Variants in SNRPD1 observed in about 807,000 individuals in gnomAD.
SNRPD1 encodes the protein small nuclear ribonucleoprotein Sm D1.
SNRPD1 carries 1 observed loss-of-function variant against 14.4 expected under a neutral mutation model. That is an observed-to-expected ratio of 0.07 (90% CI 0.02 to 0.33). The LOEUF (loss-of-function observed/expected upper bound fraction) is 0.33. SNRPD1 is among the 10% of genes least tolerant of loss of function. SNRPD1 has a pLI of 1.00. For missense variants in SNRPD1, 52 were observed against 146.4 expected (o/e 0.36, Z 3.33); for synonymous variants, 42 against 50.3 (o/e 0.83, Z 0.70).
In SNRPD1 at chr18:21,631,809, G is replaced by C. The variant is rs1440846112; in HGVS notation, c.*2671G>C. The C allele has an allele frequency of 1.3e-5, 2 of 152,008 alleles. No homozygotes were observed. Among genetic ancestry groups the C allele is most frequent in the Admixed American group, 6.6e-5 (1 of 15,236 alleles). 9.4% of individuals were successfully genotyped at this position (152,008 alleles called of 1,614,324 possible). A position where few individuals can be genotyped will look rare whatever the true frequency, so the allele number is the denominator to read the frequency against. On this transcript the variant is annotated 3_prime_UTR_variant, in exon 4 of 4. Coordinates refer to ENST00000300413, the MANE Select transcript of SNRPD1 (RefSeq NM_006938.4). ...CTTTTCCATCTTCTGACCTGTTGGT[G>C]CTCCTATTGCTTGTATCCAAGTAGA...
chr18:21,622,209 G>A (rs1021001413), intron 1 of SNRPD1, among the ~76,000 whole-genome samples: 3 of 151,226 alleles, frequency 2.0e-5, no homozygotes, highest in South Asian at 2.1e-4. Context: ...GCGTGATCTC[G>A]GCTCACTGAG....
Position 21,629,200 on chromosome 18 carries a change from T to C in SNRPD1, c.*62T>C. ...ATATTTTTTGTACAGGTTGTGTTTGTTTATGTCAGTTTTTAATAAACATAA... is the reference window on the plus strand; with the variant it reads ...ATATTTTTTGTACAGGTTGTGTTTGCTTATGTCAGTTTTTAATAAACATAA... On this transcript the variant is annotated 3_prime_UTR_variant, in exon 4 of 4. Coordinates refer to ENST00000300413, the MANE Select transcript of SNRPD1 (RefSeq NM_006938.4). 8.2e-7 allele frequency: 1 copy of C among 1,219,298 alleles called. No individual in the cohort carries two copies. The highest frequency in any genetic ancestry group is 1.2e-6 in the Non-Finnish European group (1 of 822,046). 75.5% of individuals were successfully genotyped at this position (1,219,298 alleles called of 1,614,324 possible). A position where few individuals can be genotyped will look rare whatever the true frequency, so the allele number is the denominator to read the frequency against.
intron 1 of SNRPD1, among the ~76,000 whole-genome samples, chr18:21,619,368 G>C (rs961355135): frequency 1.8e-4 from 27 of 152,140 alleles, no homozygotes; most frequent in Admixed American, 1.7e-3. Context: ...TTTTAGCAGA[G>C]ACGGGGTTTC....
Position 21,629,938 on chromosome 18 carries a change from C to G in SNRPD1, c.*800C>G, listed in dbSNP as rs1334919142. The G allele has an allele frequency of 4.6e-5, 7 of 152,152 alleles. No individual in the cohort carries two copies. Among genetic ancestry groups the G allele is most frequent in the Non-Finnish European group, 8.8e-5 (6 of 68,020 alleles). The allele number at this position is 152,152 out of a possible 1,614,324, so 9.4% of individuals were successfully genotyped here. On this transcript the variant is annotated 3_prime_UTR_variant, in exon 4 of 4. Coordinates refer to ENST00000300413, the MANE Select transcript of SNRPD1 (RefSeq NM_006938.4). ...TATGGGATGGGGTCTAGAATTGATT[C>G]TCCTTTCCTGAGTTTTACTCCACGG...
intron 3 of SNRPD1, among the ~76,000 whole-genome samples, chr18:21,627,488 G>C (rs1204038124): frequency 7.4e-6 from 1 of 134,612 alleles, no homozygotes; most frequent in East Asian, 2.2e-4. Context: ...TGCCCAGGCT[G>C]GAGTGCCATG....
intron 3 of SNRPD1, among the ~76,000 whole-genome samples, chr18:21,627,995 C>T (rs76606976): frequency 5.9e-5 from 9 of 152,242 alleles, no homozygotes; most frequent in East Asian, 3.9e-4. Flanking sequence ...TGTAAGAGTA[C>T]GGGCCAGTTA....
rs1035812745 is a variant in SNRPD1 at position 21,622,725 on chromosome 18, A to G, written c.15A>G (p.Arg5=). Residue 5 remains arginine (R), a splice_region_variant and synonymous_variant, in exon 2 of 4, where the codon AGA becomes AGG. Transcript: ENST00000300413. MKLV[R]FLMKLSHETV... is the part of the protein sequence containing the mutation. The stretch of plus-strand genomic sequence containing the variant: ...AAAATGGTTTTATTCCTATTTATAG[A>G]TTTTTGATGAAATTGAGTCATGAAA... The G allele has an allele frequency of 1.1e-5, 16 of 1,449,056 alleles. No individual in the cohort carries two copies. In the African/African-American group the frequency reaches 2.1e-4, roughly 19 times the overall value. The allele number at this position is 1,449,056 out of a possible 1,614,324, so 89.8% of individuals were successfully genotyped here.
chr18:21,624,655 C>T (rs2039022569), intron 3 of SNRPD1, among the ~76,000 whole-genome samples: 1 of 150,836 alleles, frequency 6.6e-6, no homozygotes, highest in Non-Finnish European at 1.5e-5. Flanking sequence ...CACGCCACTG[C>T]ACTCCAGCCT....
rs1324382253 is a variant in SNRPD1, at chr18:21,632,702, A to G, written c.*3564A>G. 2 of 152,194 alleles carry G rather than the reference A, an allele frequency of 1.3e-5. No homozygotes were observed. The highest frequency in any genetic ancestry group is 2.9e-5 in the Non-Finnish European group (2 of 68,058). 9.4% of individuals were successfully genotyped at this position (152,194 alleles called of 1,614,324 possible). On this transcript the variant is annotated 3_prime_UTR_variant, in exon 4 of 4. Transcript: ENST00000300413. ...TTATAGTATGAATAGAAAACAGACT[A>G]GAGTTTAACATGCTTCTCTTGACCC...
chr18:21,628,876 G>A (rs553570464), intron 3 of SNRPD1, among the ~76,000 whole-genome samples, 186 bp from the exon 4 acceptor site: 4 of 151,604 alleles, frequency 2.6e-5, no homozygotes, highest in East Asian at 3.9e-4. Flanking sequence ...GCATGATAAT[G>A]TGTTGGGGGG....
At chr18:21,621,727 G>A (rs1358275553) in intron 1 of SNRPD1, among the ~76,000 whole-genome samples, 1 of 152,038 alleles carries the variant, frequency 6.6e-6, no homozygotes, top group African/African-American at 2.4e-5. Flanking sequence ...ACAGGCGTAC[G>A]CCATCCTGCC....
At chr18:21,612,991 C>T (rs577216637) in intron 1 of SNRPD1, among the ~76,000 whole-genome samples, 1 of 152,292 alleles carries the variant, frequency 6.6e-6, no homozygotes, top group African/African-American at 2.4e-5. Context: ...GTTTGAGCCA[C>T]CGTGCCCGGC....
At chr18:21,617,400 T>C (rs1263916743) in intron 1 of SNRPD1, among the ~76,000 whole-genome samples, 1 of 152,164 alleles carries the variant, frequency 6.6e-6, no homozygotes, top group African/African-American at 2.4e-5. Flanking sequence ...TGTTTGCTTG[T>C]ATTGTTTCAT....
chr18:21,618,862 T>C (rs2038976745), intron 1 of SNRPD1, among the ~76,000 whole-genome samples: 1 of 152,158 alleles, frequency 6.6e-6, no homozygotes, highest in Admixed American at 6.6e-5. Context: ...ATTAAAACAT[T>C]TCAGCCAACA....
intron 3 of SNRPD1, among the ~76,000 whole-genome samples, chr18:21,625,589 T>G (rs2039031873): frequency 6.6e-6 from 1 of 151,930 alleles, no homozygotes; most frequent in Non-Finnish European, 1.5e-5. Flanking sequence ...GTGCTGGGAT[T>G]ACAGGCAGGA....
chr18:21,628,100 C>A (rs764906295), intron 3 of SNRPD1, among the ~76,000 whole-genome samples: 46 of 152,108 alleles, frequency 3.0e-4, no homozygotes, highest in Non-Finnish European at 6.0e-4. Context: ...TCTAATGTGG[C>A]CAGGTGCGGT....
At position 21,622,782 on chromosome 18, in the gene SNRPD1, G is replaced by C; in HGVS notation, c.72G>C (p.Gln24His). Reference protein sequence around the residue: ...TVTIELKNGTQVHGTITGVDV... With the variant: ...TVTIELKNGTHVHGTITGVDV... The stretch of plus-strand genomic sequence containing the variant: ...CCATTGAATTGAAGAACGGAACACA[G>C]GTCCATGGAACAATCACAGGTACGG... The change falls in exon 2 of 4, where the codon CAG becomes CAC. Residue 24 changes from glutamine (Q) to histidine (H), a missense_variant. Physicochemically the swap from Gln to His is conservative, Grantham distance 24. Transcript: ENST00000300413. 1 of 1,579,270 alleles carries C rather than the reference G, an allele frequency of 6.3e-7. No individual in the cohort carries two copies. The highest frequency in any genetic ancestry group is 8.7e-7 in the Non-Finnish European group (1 of 1,148,760).
At position 21,624,081 on chromosome 18, in the gene SNRPD1, C is replaced by G. The variant is rs2039017186; in HGVS notation, c.283+142C>G. The G allele has an allele frequency of 6.4e-6, 4 of 626,662 alleles. No individual in the cohort carries two copies. In the South Asian group the frequency reaches 8.6e-5, roughly 14 times the overall value. The allele number at this position is 626,662 out of a possible 1,614,324, so 38.8% of individuals were successfully genotyped here. On this transcript the variant is annotated intron_variant, in intron 3 of 3. Transcript: ENST00000300413. ...GTATGTATAGTAATTCTTGGTGTTG[C>G]TATTAAAAACATTGAGCAACCGGAC...
chr18:21,618,720 C>T (rs994673099), intron 1 of SNRPD1, among the ~76,000 whole-genome samples: 2 of 152,078 alleles, frequency 1.3e-5, no homozygotes, highest in African/African-American at 4.8e-5. Flanking sequence ...AGAGATTCAA[C>T]TCATGAGTCT....
Sources: gnomAD v4.1 joint callset for allele counts (sites outside exome capture counted in the v4.1 genomes callset) on GRCh38, gnomAD v4.1.1 for gene constraint, MANE v1.5 for transcripts, NCBI Gene and HGNC (gene_info 2026-07-23, HGNC 2026-07-21) for gene names.